CCDC178: variants seen among roughly 807,000 people sequenced by gnomAD.
CCDC178 encodes coiled-coil domain containing 178.
In CCDC178, 126 loss-of-function variants were observed where a neutral mutation model predicts 117.4. The observed-to-expected ratio is 1.07, with a 90% CI of 0.93 to 1.24. The LOEUF is 1.24. Ranked by LOEUF, CCDC178 falls within the 50% of genes most tolerant of loss-of-function variation. The probability of loss-of-function intolerance (pLI) is 0.00; values close to 1 mark genes in which losing one functional copy is unlikely to be tolerated. For synonymous variants in CCDC178, 283 were observed against 313.4 expected (o/e 0.90, Z 1.02); for missense variants, 1,030 against 986.9 (o/e 1.04, Z -0.59).
intron 12 of CCDC178, among the ~76,000 whole-genome samples, chr18:33,268,259 A>G (rs2059843912): frequency 6.6e-6 from 1 of 151,880 alleles, no homozygotes; most frequent in Non-Finnish European, 1.5e-5. Flanking sequence ...TTCTATATTA[A>G]GGCAACATTT....
intron 22 of CCDC178, among the ~76,000 whole-genome samples, chr18:32,969,822 T>C (rs190595478): frequency 6.6e-6 from 1 of 152,176 alleles, no homozygotes; most frequent in Non-Finnish European, 1.5e-5. Context: ...TGTAGCTTCT[T>C]CACTCTCTCA....
intron 21 of CCDC178, among the ~76,000 whole-genome samples, chr18:33,066,157 G>A (rs1369678055): frequency 6.6e-6 from 1 of 152,036 alleles, no homozygotes; most frequent in Non-Finnish European, 1.5e-5. Flanking sequence ...CACCGCGCCT[G>A]GCCTGTTAGT....
chr18:33,059,894 C>T (rs908900403), intron 21 of CCDC178, among the ~76,000 whole-genome samples: 3 of 152,186 alleles, frequency 2.0e-5, no homozygotes, highest in Admixed American at 6.5e-5. Context: ...TATTAGCCCT[C>T]GCATATAAGA....
At chr18:33,001,674 A>C (rs1034836507) in intron 21 of CCDC178, among the ~76,000 whole-genome samples, 3 of 152,116 alleles carry the variant, frequency 2.0e-5, no homozygotes, top group African/African-American at 7.2e-5. Context: ...CTAAGTCCTT[A>C]CTTATCAATA....
At chr18:33,003,197 T>C (rs1167284251) in intron 21 of CCDC178, among the ~76,000 whole-genome samples, 4 of 152,072 alleles carry the variant, frequency 2.6e-5, no homozygotes, top group Non-Finnish European at 2.9e-5. Context: ...ATTACTCTGA[T>C]ACCAAAACCT....
At chr18:32,984,512 T>G (rs2055221855) in intron 21 of CCDC178, among the ~76,000 whole-genome samples, 1 of 151,990 alleles carries the variant, frequency 6.6e-6, no homozygotes, top group Non-Finnish European at 1.5e-5. Context: ...ATAAAATTAC[T>G]GCATTCTGGT....
intron 20 of CCDC178, among the ~76,000 whole-genome samples, chr18:33,109,080 C>T (rs1481107631): frequency 1.3e-5 from 2 of 151,616 alleles, no homozygotes. Flanking sequence ...GCCCCCTTTC[C>T]ACATTCAATG....
rs777852130 is a variant in CCDC178 at position 33,113,041 on chromosome 18, C to T, written c.2239-20131G>A. On this transcript the variant is annotated intron_variant, in intron 20 of 22. Coordinates refer to ENST00000383096, the MANE Select transcript of CCDC178 (RefSeq NM_001105528.4). The stretch of plus-strand genomic sequence containing the variant: ...GTCATGGTCTTTGATTGAGACTTCT[C>T]CTTATAAGAAAATTCTTTAGAAGCC... Among the ~76,000 whole-genome samples, 4 of 152,032 alleles carry T rather than the reference C, an allele frequency of 2.6e-5. No homozygotes were observed. The South Asian group carries it at 8.3e-4, about 32-fold the overall frequency.
chr18:33,141,918 A>G (rs1234715639), intron 20 of CCDC178, among the ~76,000 whole-genome samples: 1 of 152,178 alleles, frequency 6.6e-6, no homozygotes, highest in Non-Finnish European at 1.5e-5. Context: ...GCAGCCACAT[A>G]GTAACTCTGA....
intron 21 of CCDC178, among the ~76,000 whole-genome samples, chr18:33,001,455 G>A (rs2055632476): frequency 6.6e-6 from 1 of 152,102 alleles, no homozygotes; most frequent in South Asian, 2.1e-4. Flanking sequence ...AGAGTTTGCA[G>A]TGAGCCGAGA....
At chr18:33,321,667 T>TA (rs1442142005) in intron 11 of CCDC178, among the ~76,000 whole-genome samples, 1 of 151,528 alleles carries the variant, frequency 6.6e-6, no homozygotes, top group Admixed American at 6.6e-5. Flanking sequence ...GATTTCCTAC[T>TA]AAAAGAATAG....
chr18:33,381,029 T>A (rs950688631), intron 5 of CCDC178, among the ~76,000 whole-genome samples: 1 of 152,174 alleles, frequency 6.6e-6, no homozygotes, highest in African/African-American at 2.4e-5. Flanking sequence ...TTTGGAACAG[T>A]TAAATCACAT....
chr18:33,033,612 G>A (rs867255011), intron 21 of CCDC178, among the ~76,000 whole-genome samples: 2 of 151,916 alleles, frequency 1.3e-5, no homozygotes, highest in Admixed American at 6.6e-5. Flanking sequence ...AGAAAGCAAA[G>A]ACATAACTCC....
chr18:33,116,009 C>T (rs1032447899), intron 20 of CCDC178, among the ~76,000 whole-genome samples: 1 of 151,866 alleles, frequency 6.6e-6, no homozygotes, highest in Admixed American at 6.6e-5. Context: ...AAAAATATTA[C>T]CACAAAATAT....
At chr18:33,084,976 A>G in intron 21 of CCDC178, among the ~76,000 whole-genome samples, 1 of 151,894 alleles carries the variant, frequency 6.6e-6, no homozygotes. Flanking sequence ...CCATGGTGCT[A>G]TTCCTTCATT....
At chr18:33,188,192 C>T (rs2058818189) in intron 20 of CCDC178, among the ~76,000 whole-genome samples, 1 of 151,938 alleles carries the variant, frequency 6.6e-6, no homozygotes, top group African/African-American at 2.4e-5. Flanking sequence ...AGGTAAAATG[C>T]CATGCAGGAT....
At chr18:33,360,789 A>G (rs1485597874) in intron 6 of CCDC178, among the ~76,000 whole-genome samples, 1 of 151,600 alleles carries the variant, frequency 6.6e-6, no homozygotes, top group East Asian at 1.9e-4. Context: ...AGTCTAATCA[A>G]GTAGCTGAAA....
chr18:33,048,357 T>C (rs1166028739), intron 21 of CCDC178, among the ~76,000 whole-genome samples: 1 of 152,162 alleles, frequency 6.6e-6, no homozygotes, highest in Non-Finnish European at 1.5e-5. Flanking sequence ...TCTAACTCAG[T>C]TTCCTGGTAG....
intron 2 of CCDC178, among the ~76,000 whole-genome samples, chr18:33,429,400 G>A (rs2064174238): frequency 6.6e-6 from 1 of 151,926 alleles, no homozygotes; most frequent in Non-Finnish European, 1.5e-5. Context: ...GAGCAAGCAA[G>A]GGACAAAAGT....
Sources: allele counts gnomAD v4.1 joint callset (sites outside exome capture counted in the v4.1 genomes callset), GRCh38; gene constraint gnomAD v4.1.1; transcripts MANE v1.5; gene names NCBI Gene and HGNC (gene_info 2026-07-23, HGNC 2026-07-21).